Variants in TENM3 observed in about 807,000 individuals in gnomAD.
The protein encoded by TENM3 is teneurin-3.
In TENM3, 63 loss-of-function variants were observed where a neutral mutation model predicts 255.1. The ratio of observed to expected loss-of-function variants is 0.25; its 90% CI spans 0.20 to 0.30. The LOEUF (loss-of-function observed/expected upper bound fraction) is 0.30, where lower values mean the gene tolerates loss of function less well. Among genes scored for constraint, TENM3 ranks in the 10% least tolerant of loss-of-function variants. The probability of loss-of-function intolerance (pLI) is 1.00; values close to 1 mark genes in which losing one functional copy is unlikely to be tolerated. For synonymous variants in TENM3, 1,306 were observed against 1,322.3 expected (o/e 0.99, Z 0.27); for missense variants, 2,929 against 3,461.1 (o/e 0.85, Z 3.86).
intron 1 of TENM3, among the ~76,000 whole-genome samples, chr4:182,259,104 T>G (rs1195521822): frequency 6.6e-6 from 1 of 152,146 alleles, no homozygotes; most frequent in Non-Finnish European, 1.5e-5. Context: ...GGTGAAGGTG[T>G]ATTTGAGAAG....
At chr4:181,846,148 A>T in the TENM3 span, among the ~76,000 whole-genome samples, 1 of 152,184 alleles carries the variant, frequency 6.6e-6, no homozygotes, top group Non-Finnish European at 1.5e-5. Flanking sequence ...TATTTCCCTG[A>T]CTATGAATAT....
the TENM3 span, among the ~76,000 whole-genome samples, chr4:182,115,288 A>C: frequency 6.6e-6 from 1 of 152,214 alleles, no homozygotes; most frequent in East Asian, 1.9e-4. Context: ...GATGCTTGTT[A>C]TTTCACATAC....
chr4:181,915,476 A>G, the TENM3 span, among the ~76,000 whole-genome samples: 11 of 152,172 alleles, frequency 7.2e-5, no homozygotes, highest in African/African-American at 2.4e-4. Flanking sequence ...GATAGAAAGA[A>G]AATCACTATT....
the TENM3 span, among the ~76,000 whole-genome samples, chr4:182,136,965 C>T: frequency 1.3e-5 from 2 of 151,368 alleles, no homozygotes; most frequent in Admixed American, 1.3e-4. Flanking sequence ...AGAAAGATCT[C>T]CAGTCAGCAT....
At chr4:182,414,768 TTAAA>T (rs1374019427) in intron 3 of TENM3, among the ~76,000 whole-genome samples, 1 of 152,212 alleles carries the variant, frequency 6.6e-6, no homozygotes, top group Admixed American at 6.5e-5. Context: ...GCTTTGCTGT[TTAAA>T]TAATATATGA....
chr4:182,583,008 A>G (rs1745652783), intron 3 of TENM3, among the ~76,000 whole-genome samples: 1 of 152,226 alleles, frequency 6.6e-6, no homozygotes, highest in African/African-American at 2.4e-5. Context: ...ATGAATGTGC[A>G]GGGCAAAGCT....
the TENM3 span, among the ~76,000 whole-genome samples, chr4:182,101,471 T>A: frequency 1.3e-5 from 2 of 152,162 alleles, no homozygotes; most frequent in African/African-American, 4.8e-5. Flanking sequence ...CATCTGATCT[T>A]AGCCCAACCC....
At chr4:182,184,658 C>A (rs1031816731) in intron 1 of TENM3, among the ~76,000 whole-genome samples, 3 of 152,122 alleles carry the variant, frequency 2.0e-5, no homozygotes, top group Non-Finnish European at 2.9e-5. Flanking sequence ...CCAGTATTTT[C>A]TGTCTTGTGA....
the TENM3 span, among the ~76,000 whole-genome samples, chr4:181,779,182 A>G: frequency 0.046 from 6,963 of 152,172 alleles, 287 homozygotes; most frequent in African/African-American, 0.1. Context: ...GCCTCTAGCC[A>G]TGATGTCCTT....
At chr4:181,982,156 G>C in the TENM3 span, among the ~76,000 whole-genome samples, 1 of 152,160 alleles carries the variant, frequency 6.6e-6, no homozygotes, top group African/African-American at 2.4e-5. Context: ...ACGGCTATCA[G>C]AGAAGTAATA....
the TENM3 span, among the ~76,000 whole-genome samples, chr4:181,782,951 T>C: frequency 6.6e-6 from 1 of 152,242 alleles, no homozygotes; most frequent in Non-Finnish European, 1.5e-5. Flanking sequence ...TTCTTAATCC[T>C]GAGTTCTAGT....
At chr4:182,720,821 G>A (rs936841352) in intron 13 of TENM3, among the ~76,000 whole-genome samples, 11 of 147,746 alleles carry the variant, frequency 7.4e-5, no homozygotes, top group Admixed American at 3.4e-4. Flanking sequence ...AGGCTGGAGT[G>A]CAATAGCATA....
At chr4:181,529,652 A>T in the TENM3 span, among the ~76,000 whole-genome samples, 1 of 152,318 alleles carries the variant, frequency 6.6e-6, no homozygotes, top group East Asian at 1.9e-4. Flanking sequence ...GGAAATAAAG[A>T]TACCACTTAC....
At chr4:182,137,566 C>T in the TENM3 span, among the ~76,000 whole-genome samples, 6 of 152,126 alleles carry the variant, frequency 3.9e-5, no homozygotes, top group Admixed American at 3.9e-4. Context: ...ACGGGGAAAA[C>T]TGGGATGGGG....
chr4:181,614,300 C>A, the TENM3 span, among the ~76,000 whole-genome samples: 1 of 152,206 alleles, frequency 6.6e-6, no homozygotes, highest in Admixed American at 6.5e-5. Context: ...AACTGCCTGC[C>A]TAGTGAAATG....
At chr4:182,452,699 T>C (rs1250418490) in intron 3 of TENM3, among the ~76,000 whole-genome samples, 2 of 152,194 alleles carry the variant, frequency 1.3e-5, no homozygotes, top group African/African-American at 2.4e-5. Flanking sequence ...TCCAGAAACA[T>C]TGACTGTTTT....
intron 3 of TENM3, among the ~76,000 whole-genome samples, chr4:182,397,080 A>G (rs1041549980): frequency 6.6e-6 from 1 of 152,222 alleles, no homozygotes; most frequent in South Asian, 2.1e-4. Flanking sequence ...ATCAAATACA[A>G]TTGCTTCCAT....
chr4:181,725,288 G>C, the TENM3 span, among the ~76,000 whole-genome samples: 1 of 152,156 alleles, frequency 6.6e-6, no homozygotes, highest in African/African-American at 2.4e-5. Context: ...GGAAAGAAAA[G>C]TATTGAAAAT....
chr4:181,556,895 G>GT, the TENM3 span, among the ~76,000 whole-genome samples: 2 of 152,130 alleles, frequency 1.3e-5, no homozygotes, highest in Admixed American at 1.3e-4. Flanking sequence ...ATGAGAAAAC[G>GT]TAACGGTTTT....
Sources: allele counts gnomAD v4.1 joint callset (sites outside exome capture counted in the v4.1 genomes callset), GRCh38; gene constraint gnomAD v4.1.1; transcripts MANE v1.5; gene names NCBI Gene and HGNC (gene_info 2026-07-23, HGNC 2026-07-21).